VLDLR: variants seen among roughly 807,000 people sequenced by gnomAD.
VLDLR encodes very low density lipoprotein receptor.
VLDLR carries 81 observed loss-of-function variants against 112.7 expected under a neutral mutation model. That is an observed-to-expected ratio of 0.72 (90% CI 0.60 to 0.86). The LOEUF is 0.86. Among genes scored for constraint, VLDLR ranks in the 40% least tolerant of loss-of-function variants. The pLI is 0.00. For missense variants in VLDLR, 1,237 were observed against 1,099.4 expected (o/e 1.13, Z -1.77); for synonymous variants, 436 against 384.8 (o/e 1.13, Z -1.56).
At chr9:2,653,763 C>T in intron 18 of VLDLR, 70 bp from the exon 19 acceptor site, 1 of 1,570,552 alleles carries the variant, frequency 6.4e-7, no homozygotes, top group Non-Finnish European at 8.8e-7. Flanking sequence ...AAGCAAGGTC[C>T]ATTTTAAAGA....
intron 1 of VLDLR, among the ~76,000 whole-genome samples, chr9:2,633,308 G>A (rs1817450959): frequency 6.6e-6 from 1 of 152,102 alleles, no homozygotes; most frequent in Non-Finnish European, 1.5e-5. Context: ...TTGATAGCTT[G>A]TATATTACAA....
At chr9:2,653,217 G>C (rs1052114804) in intron 18 of VLDLR, among the ~76,000 whole-genome samples, 23 of 152,286 alleles carry the variant, frequency 1.5e-4, no homozygotes, top group African/African-American at 4.8e-4. Context: ...GTAAATACTA[G>C]CATGAACCAA....
In VLDLR at chr9:2,632,315, G is replaced by A. The variant is rs74960704; in HGVS notation, c.83-3138G>A. ...CACCCCTCTAGCCTGAGGCATTCTT[G>A]TGAAACCTCATGGCTTTAAGGAACC... On this transcript the variant is annotated intron_variant, in intron 1 of 18. Coordinates refer to ENST00000382100, the MANE Select transcript of VLDLR (RefSeq NM_003383.5). 4.1e-3 allele frequency among the ~76,000 whole-genome samples: 628 copies of A among 152,300 alleles called. 8 individuals carry two copies. The highest frequency in any genetic ancestry group is 4.1e-3 in the Non-Finnish European group (281 of 68,024).
chr9:2,622,648 G>A (rs1268325782), intron 1 of VLDLR, among the ~76,000 whole-genome samples: 2 of 152,250 alleles, frequency 1.3e-5, no homozygotes, highest in Non-Finnish European at 2.9e-5. Context: ...TGGGAAGGAG[G>A]CAGAGGGCCA....
chr9:2,633,637 C>T (rs1817466511), intron 1 of VLDLR, among the ~76,000 whole-genome samples: 1 of 152,128 alleles, frequency 6.6e-6, no homozygotes, highest in African/African-American at 2.4e-5. Context: ...CAGAGGCTTT[C>T]AGTCTTTACT....
intron 1 of VLDLR, among the ~76,000 whole-genome samples, chr9:2,625,744 A>G (rs1329521989): frequency 6.6e-6 from 1 of 152,202 alleles, no homozygotes; most frequent in Non-Finnish European, 1.5e-5. Flanking sequence ...GTGATAGACT[A>G]CTTTCAAGGC....
chr9:2,650,423 C>T lies in VLDLR; in HGVS notation c.2158C>T (p.Leu720=). Residue 720 remains leucine (L), a synonymous_variant, in exon 15 of 19, where the codon CTG becomes TTG. Transcript: ENST00000382100. The part of the protein sequence containing the change: ...MENGGCEYLC[L]PAPQINDHSP... ...GAATGGAGGATGTGAATACCTATGC[C>T]TGCCAGCACCACAGATTAATGATCA... 1.9e-6 allele frequency: 3 copies of T among 1,614,046 alleles called. No individual in the cohort carries two copies. Among genetic ancestry groups the T allele is most frequent in the Non-Finnish European group, 2.5e-6 (3 of 1,180,018 alleles).
Position 2,659,650 on chromosome 9 carries a change from T to C in VLDLR, c.*5782T>C, listed in dbSNP as rs1355531644. ...AATCTTAAGTTTCAAGGCTCTCCTA[T>C]AGGGAGAAACATGGCCAAAAAGACA... On this transcript the variant is annotated 3_prime_UTR_variant, in exon 19 of 19. Coordinates refer to ENST00000382100, the MANE Select transcript of VLDLR (RefSeq NM_003383.5). 6.6e-6 allele frequency: 1 copy of C among 152,196 alleles called. No individual in the cohort carries two copies. The highest frequency in any genetic ancestry group is 1.5e-5 in the Non-Finnish European group (1 of 68,034). 9.4% of individuals were successfully genotyped at this position (152,196 alleles called of 1,614,324 possible).
At chr9:2,646,287 C>A (rs758064055) in intron 10 of VLDLR, 47 bp from the exon 11 acceptor site, 1 of 1,595,090 alleles carries the variant, frequency 6.3e-7, no homozygotes, top group Non-Finnish European at 8.6e-7. Context: ...TCTCCAAGCT[C>A]TAATTGTGTC....
In VLDLR at chr9:2,643,566, C is replaced by T. The variant is rs771650738; in HGVS notation, c.820+35C>T. 121 of 1,614,102 alleles carry T rather than the reference C, an allele frequency of 7.5e-5. 1 individual carries two copies. Among genetic ancestry groups the T allele is most frequent in the Non-Finnish European group, 9.0e-5 (106 of 1,180,046 alleles). ...TTTCTAGCATGGCATGTTCAGTTCT[C>T]TTCCCTGTATCAACTGGGACAATTT... On this transcript the variant is annotated intron_variant, in intron 5 of 18. Transcript: ENST00000382100.
Position 2,643,955 on chromosome 9 carries a change from G to A in VLDLR, c.1062G>A (p.Glu354=), listed in dbSNP as rs763005888. 1 of 1,614,072 alleles carries A rather than the reference G, an allele frequency of 6.2e-7. No homozygotes were observed. Among genetic ancestry groups the A allele is most frequent in the Non-Finnish European group, 8.5e-7 (1 of 1,180,008 alleles). Residue 354 remains glutamate (E), a synonymous_variant, in exon 7 of 19, where the codon GAG becomes GAA. Coordinates refer to ENST00000382100, the MANE Select transcript of VLDLR (RefSeq NM_003383.5). The part of the protein sequence containing the change: ...CRDWSDEPLK[E]CHINECLVNN... ...ACTGGAGTGATGAGCCCCTGAAAGA[G>A]TGTCGTAAGTGTACTTGTTGTTCAA... is the stretch of plus-strand genomic sequence containing the variant.
intron 11 of VLDLR, among the ~76,000 whole-genome samples, chr9:2,647,244 C>T (rs1047505729): frequency 6.6e-6 from 1 of 151,890 alleles, no homozygotes; most frequent in Non-Finnish European, 1.5e-5. Flanking sequence ...GACTTTGGGC[C>T]GAAATTTAAA....
intron 1 of VLDLR, among the ~76,000 whole-genome samples, chr9:2,626,369 C>G (rs1309468200): frequency 1.3e-5 from 2 of 152,052 alleles, no homozygotes; most frequent in East Asian, 3.8e-4. Context: ...TGTGGAATTT[C>G]CACACTTACG....
At chr9:2,648,126 G>C (rs1818154129) in intron 12 of VLDLR, 82 bp from the exon 13 acceptor site, 1 of 1,579,062 alleles carries the variant, frequency 6.3e-7, no homozygotes, top group Non-Finnish European at 8.7e-7. Context: ...CGTGAAAGTA[G>C]ATTATTAATT....
intron 1 of VLDLR, among the ~76,000 whole-genome samples, chr9:2,624,261 A>G (rs1306853540): frequency 1.3e-5 from 2 of 152,208 alleles, no homozygotes; most frequent in African/African-American, 4.8e-5. Context: ...GAACTGGAGG[A>G]AATTTGGGCT....
chr9:2,634,788 GTT>G (rs1352322544), intron 1 of VLDLR, among the ~76,000 whole-genome samples: 18 of 152,032 alleles, frequency 1.2e-4, no homozygotes, highest in Non-Finnish European at 2.4e-4. Context: ...TTAGACCTCA[GTT>G]TCTAAGAGGA....
chr9:2,656,942 C>CAAA lies in VLDLR; in HGVS notation c.*3100_*3102dup, dbSNP rs35624077. 6 of 67,148 alleles carry CAAA rather than the reference C, an allele frequency of 8.9e-5. No individual in the cohort carries two copies. The highest frequency in any genetic ancestry group is 2.1e-4 in the Admixed American group (1 of 4,660). 4.2% of individuals were successfully genotyped at this position (67,148 alleles called of 1,614,324 possible). On this transcript the variant is annotated 3_prime_UTR_variant, in exon 19 of 19. Coordinates refer to ENST00000382100, the MANE Select transcript of VLDLR (RefSeq NM_003383.5). ...TCTTTAGTTCTTGATGAATACAAGG[C>CAAA]AAAAAAAAAAAAAAAAAAAAAAAAA...
rs896281803 is a variant in VLDLR at position 2,658,949 on chromosome 9, A to T, written c.*5081A>T. On this transcript the variant is annotated 3_prime_UTR_variant, in exon 19 of 19. Coordinates refer to ENST00000382100, the MANE Select transcript of VLDLR (RefSeq NM_003383.5). ...TTGCATACTTAAGAAGGCTTAAAAG[A>T]CTGCATGGTTTAAACCCTAGAAACA... 6.6e-6 allele frequency: 1 copy of T among 152,162 alleles called. No homozygotes were observed. The highest frequency in any genetic ancestry group is 2.4e-5 in the African/African-American group (1 of 41,434). The allele number at this position is 152,162 out of a possible 1,614,324, so 9.4% of individuals were successfully genotyped here.
Position 2,650,454 on chromosome 9 carries a change from C to T in VLDLR, c.2189C>T (p.Pro730Leu), listed in dbSNP as rs1586658960. 1.2e-6 allele frequency: 2 copies of T among 1,614,082 alleles called. No individual in the cohort carries two copies. The highest frequency in any genetic ancestry group is 1.7e-6 in the Non-Finnish European group (2 of 1,180,020). The change falls in exon 15 of 19, where the codon CCA (proline) becomes CTA (leucine). Residue 730 changes from proline (P) to leucine (L), a missense_variant. Coordinates refer to ENST00000382100, the MANE Select transcript of VLDLR (RefSeq NM_003383.5). ...LPAPQINDHSPKYTCSCPSGY... is the reference protein window; with the variant it reads ...LPAPQINDHSLKYTCSCPSGY... Reference sequence around the variant, plus strand: ...GCACCACAGATTAATGATCACTCTCCAAAATATACCTGTTCCTGTCCCAGT... The same window carrying T: ...GCACCACAGATTAATGATCACTCTCTAAAATATACCTGTTCCTGTCCCAGT...
Sources: gnomAD v4.1 joint callset for allele counts (sites outside exome capture counted in the v4.1 genomes callset) on GRCh38, gnomAD v4.1.1 for gene constraint, MANE v1.5 for transcripts, NCBI Gene and HGNC (gene_info 2026-07-23, HGNC 2026-07-21) for gene names.